LARS2: variants seen among roughly 807,000 people sequenced by gnomAD.
LARS2 encodes the protein leucyl-tRNA synthetase 2, mitochondrial, also known as leucine--tRNA ligase, mitochondrial.
A neutral mutation model predicts 116.6 loss-of-function variants in LARS2; 81 were observed. The ratio of observed to expected loss-of-function variants is 0.69; its 90% CI spans 0.58 to 0.84. LARS2 has a LOEUF of 0.84. Among genes scored for constraint, LARS2 ranks in the 40% least tolerant of loss-of-function variants. LARS2 has a pLI of 0.00. For synonymous variants in LARS2, 396 were observed against 407.2 expected (o/e 0.97, Z 0.33); for missense variants, 968 against 1,114.5 (o/e 0.87, Z 1.87).
chr3:45,515,699 G>T (rs1442752301), intron 16 of LARS2, among the ~76,000 whole-genome samples: 1 of 152,338 alleles, frequency 6.6e-6, no homozygotes, highest in South Asian at 2.1e-4. Context: ...GACAGGTCAG[G>T]CTGCCAACTT....
chr3:45,543,821 A>T (rs1411072343), intron 21 of LARS2, among the ~76,000 whole-genome samples: 1 of 152,248 alleles, frequency 6.6e-6, no homozygotes, highest in Non-Finnish European at 1.5e-5. Context: ...TAGCTCATGC[A>T]TCCCTGAGAA....
chr3:45,488,283 A>G (rs186888098), intron 11 of LARS2, among the ~76,000 whole-genome samples: 1 of 152,234 alleles, frequency 6.6e-6, no homozygotes, highest in African/African-American at 2.4e-5. Context: ...AAATACAAAA[A>G]TTAGCCAGGC....
chr3:45,443,018 T>G (rs1346415779), intron 6 of LARS2, among the ~76,000 whole-genome samples: 1 of 152,158 alleles, frequency 6.6e-6, no homozygotes, highest in Non-Finnish European at 1.5e-5. Flanking sequence ...CTCTATCCAC[T>G]AGATGCCAGT....
At position 45,547,602 on chromosome 3, in the gene LARS2, G is replaced by A. The variant is rs1700894680; in HGVS notation, c.*72G>A. ...TCCAGGCCTGGGATGAGGGGGCGAT[G>A]TCTGCTGGCCCAGGGGAAGGGAAAA... On this transcript the variant is annotated 3_prime_UTR_variant, in exon 22 of 22. Coordinates refer to ENST00000645846, the MANE Select transcript of LARS2 (RefSeq NM_015340.4). 7.3e-7 allele frequency: 1 copy of A among 1,366,268 alleles called. No individual in the cohort carries two copies. 84.6% of individuals were successfully genotyped at this position (1,366,268 alleles called of 1,614,324 possible).
chr3:45,441,344 C>A (rs1428035858), intron 6 of LARS2, among the ~76,000 whole-genome samples: 1 of 152,268 alleles, frequency 6.6e-6, no homozygotes, highest in Non-Finnish European at 1.5e-5. Context: ...CTGAGTAAAG[C>A]CAAGGGGTGT....
intron 4 of LARS2, among the ~76,000 whole-genome samples, chr3:45,403,112 C>CAAAAAAAAAAA (rs1160287597): frequency 1.2e-3 from 101 of 85,240 alleles, no homozygotes; most frequent in Non-Finnish European, 1.5e-3. Context: ...TCTCCAAAGA[C>CAAAAAAAAAAA]AAAAAAAAAA....
chr3:45,392,988 A>G (rs992621104), intron 2 of LARS2, among the ~76,000 whole-genome samples: 2 of 152,188 alleles, frequency 1.3e-5, no homozygotes, highest in Non-Finnish European at 2.9e-5. Context: ...TTAGTCTAGT[A>G]TTTATATCTT....
intron 20 of LARS2, among the ~76,000 whole-genome samples, chr3:45,539,126 A>AT (rs913689657): frequency 2.0e-5 from 3 of 151,784 alleles, no homozygotes; most frequent in East Asian, 1.9e-4. Flanking sequence ...TGACCATGTT[A>AT]TTTTTTTTTA....
chr3:45,535,726 A>G (rs1700693418), intron 20 of LARS2, among the ~76,000 whole-genome samples: 1 of 150,652 alleles, frequency 6.6e-6, no homozygotes, highest in Admixed American at 6.7e-5. Context: ...ACATGAAACT[A>G]CACATGGTTA....
At chr3:45,442,054 T>TA (rs1443501183) in intron 6 of LARS2, among the ~76,000 whole-genome samples, 1 of 152,226 alleles carries the variant, frequency 6.6e-6, no homozygotes, top group Non-Finnish European at 1.5e-5. Context: ...TAGATTTATG[T>TA]GGAGTGTGGC....
At chr3:45,540,780 C>T (rs1161838070) in intron 20 of LARS2, among the ~76,000 whole-genome samples, 1 of 151,888 alleles carries the variant, frequency 6.6e-6, no homozygotes, top group African/African-American at 2.4e-5. Flanking sequence ...ATCTATCTAT[C>T]TATCTATCTA....
intron 20 of LARS2, among the ~76,000 whole-genome samples, chr3:45,530,658 A>G (rs183205808): frequency 3.5e-4 from 54 of 152,350 alleles, no homozygotes; most frequent in African/African-American, 1.2e-3. Flanking sequence ...AGTGGAAAAG[A>G]TATGAATCTA....
chr3:45,439,236 T>G (rs78004486), intron 6 of LARS2, among the ~76,000 whole-genome samples: 1 of 120,426 alleles, frequency 8.3e-6, no homozygotes, highest in Middle Eastern at 5.0e-3. Context: ...TTTTTTTTTT[T>G]TTTGAGACAG....
intron 14 of LARS2, among the ~76,000 whole-genome samples, chr3:45,497,109 TA>T (rs1169300396): frequency 2.0e-5 from 3 of 151,532 alleles, no homozygotes; most frequent in Non-Finnish European, 4.4e-5. Flanking sequence ...GATAAATCAA[TA>T]AAGAGTATAA....
chr3:45,473,572 C>T (rs1362327646), intron 8 of LARS2, among the ~76,000 whole-genome samples: 6 of 151,602 alleles, frequency 4.0e-5, no homozygotes, highest in Admixed American at 3.3e-4. Flanking sequence ...TTAGTAGAGA[C>T]GGGGTTTCAC....
chr3:45,401,179 T>C (rs1275376003), intron 4 of LARS2, among the ~76,000 whole-genome samples: 2 of 152,100 alleles, frequency 1.3e-5, no homozygotes, highest in Non-Finnish European at 2.9e-5. Flanking sequence ...GAGTAACAAC[T>C]CTGGGGAGTT....
intron 4 of LARS2, among the ~76,000 whole-genome samples, chr3:45,401,012 T>C (rs940985281): frequency 2.3e-4 from 35 of 152,218 alleles, no homozygotes; most frequent in Non-Finnish European, 4.3e-4. Flanking sequence ...ACGGTTTCAC[T>C]GTGTTAGCCA....
At chr3:45,530,115 A>T (rs978324493) in intron 20 of LARS2, among the ~76,000 whole-genome samples, 12 of 152,252 alleles carry the variant, frequency 7.9e-5, no homozygotes, top group African/African-American at 2.9e-4. Flanking sequence ...GTTAGCAAAA[A>T]ATTAAATTCT....
chr3:45,519,447 C>T (rs868277774), intron 18 of LARS2, among the ~76,000 whole-genome samples: 9 of 146,318 alleles, frequency 6.2e-5, no homozygotes, highest in South Asian at 2.3e-4. Context: ...GCTGAGATCG[C>T]ACCACTGCAC....
Sources: gnomAD v4.1 joint callset for allele counts (sites outside exome capture counted in the v4.1 genomes callset) on GRCh38, gnomAD v4.1.1 for gene constraint, MANE v1.5 for transcripts, NCBI Gene and HGNC (gene_info 2026-07-23, HGNC 2026-07-21) for gene names.